Variants in AHR observed in about 807,000 individuals in gnomAD.
AHR encodes the protein AH-receptor.
A neutral mutation model predicts 86.8 loss-of-function variants in AHR; 40 were observed. The ratio of observed to expected loss-of-function variants is 0.46; its 90% confidence interval spans 0.36 to 0.60. The LOEUF (loss-of-function observed/expected upper bound fraction) is 0.60. Ranked by LOEUF, AHR falls within the 20% of genes least tolerant of loss-of-function variation. The probability of loss-of-function intolerance (pLI) is 0.00; values close to 1 mark genes in which losing one functional copy is unlikely to be tolerated. For synonymous variants in AHR, 398 were observed against 354.9 expected, an observed-to-expected ratio of 1.12 and a Z score of -1.37; for missense variants, 1,001 against 1,011.6, an observed-to-expected ratio of 0.99 and a Z score of 0.14.
chr7:17,313,075 T>A (rs1782082144), intron 2 of AHR, among the ~76,000 whole-genome samples: 1 of 152,158 alleles, frequency 6.6e-6, no homozygotes, highest in Non-Finnish European at 1.5e-5. Flanking sequence ...CCTAAGCAGT[T>A]TCTTAGATTG....
At chr7:17,330,115 T>C (rs189888881) in intron 5 of AHR, 40 bp downstream of exon 5, 77 of 1,586,482 alleles carry the variant, frequency 4.9e-5, no homozygotes, top group Admixed American at 3.6e-4. Flanking sequence ...TGGTAGTTTT[T>C]AAATATGAGT....
intron 2 of AHR, among the ~76,000 whole-genome samples, chr7:17,317,156 G>A (rs949097838): frequency 4.9e-5 from 6 of 122,416 alleles, no homozygotes; most frequent in Non-Finnish European, 8.3e-5. Flanking sequence ...GGGCCTTTAC[G>A]GACCTGGTAT....
chr7:17,303,691 A>C (rs1027583500), intron 1 of AHR, among the ~76,000 whole-genome samples: 1 of 152,072 alleles, frequency 6.6e-6, no homozygotes, highest in Non-Finnish European at 1.5e-5. Context: ...TTAATACTTT[A>C]ATATTTCAGA....
intron 9 of AHR, among the ~76,000 whole-genome samples, chr7:17,338,214 A>C (rs1444105865): frequency 6.6e-6 from 1 of 151,674 alleles, no homozygotes; most frequent in South Asian, 2.1e-4. Flanking sequence ...AAAAAAAAAA[A>C]ATCTATTGCA....
At chr7:17,325,548 A>G (rs1247937108) in intron 3 of AHR, among the ~76,000 whole-genome samples, 1 of 152,222 alleles carries the variant, frequency 6.6e-6, no homozygotes. Context: ...TCAAGTTCTT[A>G]TGGGTAGAAT....
Position 17,310,002 on chromosome 7 carries a change from T to C in AHR, c.132T>C (p.Asn44=), listed in dbSNP as rs17779352. The C allele has an allele frequency of 0.08, 129,719 of 1,613,268 alleles. 5,833 individuals carry two copies. The highest frequency in any genetic ancestry group is 0.11 in the South Asian group (9,731 of 91,004). Residue 44 remains asparagine (N), a synonymous_variant, in exon 2 of 11, where the codon AAT becomes AAC. Transcript: ENST00000242057. ...NPSKRHRDRL[N]TELDRLASLL... ...CCAAGCGGCATAGAGACCGACTTAA[T>C]ACAGAGTTGGACCGTTTGGCTAGCC...
intron 6 of AHR, among the ~76,000 whole-genome samples, chr7:17,331,160 T>A (rs1280017177): frequency 6.6e-6 from 1 of 151,888 alleles, no homozygotes; most frequent in Non-Finnish European, 1.5e-5. Context: ...TGTGACTGAC[T>A]GAGACTCAGC....
intron 10 of AHR, among the ~76,000 whole-genome samples, chr7:17,341,428 AAGG>A (rs1782422532): frequency 6.6e-6 from 1 of 152,192 alleles, no homozygotes; most frequent in Admixed American, 6.5e-5. Flanking sequence ...CATTTTGAAT[AAGG>A]AGTTGCATGA....
chr7:17,305,711 ACCATATCTTTGCATGTCAT>A lies in AHR; in HGVS notation c.66-4224_66-4206del, dbSNP rs532407907. On this transcript the variant is annotated intron_variant, in intron 1 of 10. Transcript: ENST00000242057. ...ACTTTGATCTCATAGGATTACTGAA[ACCATATCTTTGCATGTCAT>A]TTTGAGGTTTTATAATGAATATTAT... 3.4e-3 allele frequency among the ~76,000 whole-genome samples: 519 copies of A among 152,296 alleles called. 11 individuals carry two copies. Among genetic ancestry groups the A allele is most frequent in the Admixed American group, 0.031 (469 of 15,304 alleles).
Position 17,339,875 on chromosome 7 carries a change from G to A in AHR, c.2050G>A (p.Glu684Lys). Reference sequence around the variant, plus strand: ...TACAGACTTACATGGGATCAGTCAAGAGTTCCCCTACAAATCTGAAATGGA... The same window carrying A: ...TACAGACTTACATGGGATCAGTCAAAAGTTCCCCTACAAATCTGAAATGGA... ...VFTDLHGISQEFPYKSEMDSM... is the reference protein window; with the variant it reads ...VFTDLHGISQKFPYKSEMDSM... The change falls in exon 10 of 11, where the codon GAG becomes AAG. Residue 684 changes from glutamate (E) to lysine (K), a missense_variant. Around this residue, in one of 2 missense-constraint regions of AHR, gnomAD observed 607 missense variants for 543.1 expected, o/e 1.12. Coordinates refer to ENST00000242057, the MANE Select transcript of AHR (RefSeq NM_001621.5). 6.2e-7 allele frequency: 1 copy of A among 1,614,134 alleles called. No homozygotes were observed. The highest frequency in any genetic ancestry group is 8.5e-7 in the Non-Finnish European group (1 of 1,179,998).
intron 6 of AHR, among the ~76,000 whole-genome samples, chr7:17,332,467 G>T (rs1782306561): frequency 6.6e-6 from 1 of 151,810 alleles, no homozygotes; most frequent in African/African-American, 2.4e-5. Context: ...ACAAGATGTA[G>T]AGGTGGAAGA....
In AHR at chr7:17,339,467, A is replaced by G. The variant is rs1286907205; in HGVS notation, c.1642A>G (p.Ile548Val). 6.2e-7 allele frequency: 1 copy of G among 1,614,206 alleles called. No homozygotes were observed. Among genetic ancestry groups the G allele is most frequent in the Non-Finnish European group, 8.5e-7 (1 of 1,180,050 alleles). Reference protein sequence around the residue: ...DLYSIMKNLGIDFEDIRHMQN... With the variant: ...DLYSIMKNLGVDFEDIRHMQN... ...GTACAGCATAATGAAAAACCTAGGC[A>G]TTGATTTTGAAGACATCAGACACAT... The change falls in exon 10 of 11, where the codon ATT becomes GTT. Residue 548 changes from isoleucine (I) to valine (V), a missense_variant. Physicochemically the swap from Ile to Val is conservative, Grantham distance 29 (BLOSUM62 3). This residue lies in a region of AHR where 607 missense variants were observed against 543.1 expected (regional missense o/e 1.12). Transcript: ENST00000242057.
chr7:17,328,567 C>T (rs960831858), intron 4 of AHR, among the ~76,000 whole-genome samples: 4 of 151,896 alleles, frequency 2.6e-5, no homozygotes, highest in African/African-American at 4.8e-5. Context: ...CACCTGAAGA[C>T]CTTGATAAAA....
intron 2 of AHR, among the ~76,000 whole-genome samples, chr7:17,312,111 T>G (rs1484038086): frequency 6.6e-6 from 1 of 152,210 alleles, no homozygotes; most frequent in Non-Finnish European, 1.5e-5. Flanking sequence ...GATTGTAACT[T>G]CAGGCCTCCT....
chr7:17,343,733 T>C lies in AHR; in HGVS notation c.*669T>C, dbSNP rs973929299. Reference sequence around the variant, plus strand: ...TATTTGTGTTTCCTAAATCCAACCATTTTCATTAATTCAGGCATATTTTAA... The same window carrying C: ...TATTTGTGTTTCCTAAATCCAACCACTTTCATTAATTCAGGCATATTTTAA... On this transcript the variant is annotated 3_prime_UTR_variant, in exon 11 of 11. Transcript: ENST00000242057. The C allele has an allele frequency of 6.6e-6, 1 of 152,668 alleles. No individual in the cohort carries two copies. Among genetic ancestry groups the C allele is most frequent in the African/African-American group, 2.4e-5 (1 of 41,448 alleles). The allele number at this position is 152,668 out of a possible 1,614,324, so 9.5% of individuals were successfully genotyped here. A position where few individuals can be genotyped will look rare whatever the true frequency, so the allele number is the denominator to read the frequency against.
At chr7:17,305,455 A>G (rs1781995928) in intron 1 of AHR, among the ~76,000 whole-genome samples, 1 of 152,128 alleles carries the variant, frequency 6.6e-6, no homozygotes, top group Non-Finnish European at 1.5e-5. Flanking sequence ...AATACTTCAG[A>G]TTTCCTAGCT....
intron 1 of AHR, 138 bp downstream of exon 1, chr7:17,299,467 TTTGG>T: frequency 1.0e-6 from 1 of 955,216 alleles, no homozygotes; most frequent in East Asian, 2.9e-5. Context: ...GGAATCGAGG[TTTGG>T]AGGCCGGCTG....
intron 3 of AHR, among the ~76,000 whole-genome samples, chr7:17,326,208 A>T (rs975703356): frequency 2.0e-5 from 3 of 152,212 alleles, no homozygotes; most frequent in Admixed American, 1.3e-4. Flanking sequence ...ACTCAAATAC[A>T]TAAAAACATT....
At chr7:17,312,585 C>T (rs1014066802) in intron 2 of AHR, among the ~76,000 whole-genome samples, 1 of 152,094 alleles carries the variant, frequency 6.6e-6, no homozygotes, top group African/African-American at 2.4e-5. Flanking sequence ...TAAAGGAGAT[C>T]TCACAGTCTA....
Sources: gnomAD v4.1 joint callset for allele counts (sites outside exome capture counted in the v4.1 genomes callset) on GRCh38, gnomAD v4.1.1 for gene constraint, gnomAD v4.1.1 regional missense constraint, MANE v1.5 for transcripts, NCBI Gene and HGNC (gene_info 2026-07-23, HGNC 2026-07-21) for gene names.